Variants in NELL1 observed in about 807,000 individuals in gnomAD.
The protein encoded by NELL1 is protein kinase C-binding protein NELL1.
A neutral mutation model predicts 107.4 loss-of-function variants in NELL1; 76 were observed. The ratio of observed to expected loss-of-function variants is 0.71; its 90% CI spans 0.59 to 0.86. NELL1 has a LOEUF of 0.86. NELL1 is among the 40% of genes least tolerant of loss of function. The pLI, the probability that NELL1 is intolerant of heterozygous loss-of-function variation, is 0.00. For synonymous variants in NELL1, 353 were observed against 341.2 expected (o/e 1.03, Z -0.38); for missense variants, 1,024 against 1,005.5 (o/e 1.02, Z -0.25).
intron 14 of NELL1, among the ~76,000 whole-genome samples, chr11:21,336,921 GAGATAC>G: frequency 6.6e-6 from 1 of 152,038 alleles, no homozygotes; most frequent in East Asian, 1.9e-4. Context: ...CTTAAATAAA[GAGATAC>G]CTGGGTTGAA....
At chr11:21,275,339 G>T (rs1233034615) in intron 14 of NELL1, among the ~76,000 whole-genome samples, 3 of 152,106 alleles carry the variant, frequency 2.0e-5, no homozygotes, top group East Asian at 3.9e-4. Flanking sequence ...ACCCTCCTGA[G>T]ACTAAACCAG....
At chr11:21,253,597 G>A (rs1858693290) in intron 14 of NELL1, among the ~76,000 whole-genome samples, 1 of 152,066 alleles carries the variant, frequency 6.6e-6, no homozygotes, top group East Asian at 1.9e-4. Context: ...TGCTCATAAA[G>A]GCAACCATAT....
intron 14 of NELL1, among the ~76,000 whole-genome samples, chr11:21,282,749 A>G (rs1849026267): frequency 6.6e-6 from 1 of 152,208 alleles, no homozygotes; most frequent in Admixed American, 6.5e-5. Flanking sequence ...ACTAGTCACA[A>G]TAGCCAAGAT....
chr11:20,821,603 T>A (rs1231812587), intron 3 of NELL1, among the ~76,000 whole-genome samples: 1 of 152,228 alleles, frequency 6.6e-6, no homozygotes, highest in African/African-American at 2.4e-5. Context: ...ACTGTTTTCA[T>A]ATGTTTAAAA....
chr11:21,015,018 C>T (rs1376501544), intron 12 of NELL1, among the ~76,000 whole-genome samples: 1 of 152,096 alleles, frequency 6.6e-6, no homozygotes, highest in Non-Finnish European at 1.5e-5. Flanking sequence ...TGTTCACTGA[C>T]TTGAACTTTG....
At chr11:20,970,093 ATCCG>A (rs1052013849) in intron 12 of NELL1, among the ~76,000 whole-genome samples, 5 of 143,878 alleles carry the variant, frequency 3.5e-5, no homozygotes, top group African/African-American at 1.3e-4. Flanking sequence ...CCATCCATCC[ATCCG>A]TACTCTGAAC....
chr11:20,724,252 C>T (rs1564880740), intron 2 of NELL1, among the ~76,000 whole-genome samples: 1 of 152,248 alleles, frequency 6.6e-6, no homozygotes, highest in Non-Finnish European at 1.5e-5. Flanking sequence ...CAAATTTCTG[C>T]AGCCAGCTTG....
At chr11:21,482,847 A>G (rs967219655) in intron 15 of NELL1, among the ~76,000 whole-genome samples, 1 of 152,106 alleles carries the variant, frequency 6.6e-6, no homozygotes, top group Non-Finnish European at 1.5e-5. Context: ...TGGTATTTGT[A>G]AATGATTAGC....
rs577055948 is a variant in NELL1, at chr11:20,939,674, A to C, written c.1071+1815A>C. On this transcript the variant is annotated intron_variant, in intron 10 of 19. Coordinates refer to ENST00000357134, the MANE Select transcript of NELL1 (RefSeq NM_006157.5). Reference sequence around the variant, plus strand: ...TTAAGACAGCATGCAATGGAGAAAAAATTCCCCAAGAGAACACTGTGGTAC... The same window carrying C: ...TTAAGACAGCATGCAATGGAGAAAACATTCCCCAAGAGAACACTGTGGTAC... Among the ~76,000 whole-genome samples, 7 of 152,252 alleles carry C rather than the reference A, an allele frequency of 4.6e-5. No homozygotes were observed. The South Asian group carries it at 1.5e-3, about 32-fold the overall frequency.
At chr11:21,490,089 A>G (rs1341055151) in intron 15 of NELL1, among the ~76,000 whole-genome samples, 1 of 152,128 alleles carries the variant, frequency 6.6e-6, no homozygotes, top group African/African-American at 2.4e-5. Flanking sequence ...TATATTCAGT[A>G]AAGCTGTAGG....
At chr11:21,509,357 C>T (rs1855378017) in intron 15 of NELL1, among the ~76,000 whole-genome samples, 1 of 152,156 alleles carries the variant, frequency 6.6e-6, no homozygotes, top group Admixed American at 6.5e-5. Flanking sequence ...AACAGTTCTA[C>T]TTCTAGGAAT....
At chr11:20,964,239 TG>T (rs1340813631) in intron 12 of NELL1, among the ~76,000 whole-genome samples, 1 of 152,116 alleles carries the variant, frequency 6.6e-6, no homozygotes, top group East Asian at 1.9e-4. Context: ...GAGTAGTGTC[TG>T]AGGAAAGTAT....
Position 20,884,745 on chromosome 11 carries a change from T to C in NELL1, c.507-699T>C, listed in dbSNP as rs181119011. 4.6e-4 allele frequency among the ~76,000 whole-genome samples: 70 copies of C among 152,312 alleles called. No homozygotes were observed. The East Asian group carries it at 8.1e-3, about 18-fold the overall frequency. ...ATGGATCAGATGAGGATTTTCTTCA[T>C]ATATAGAATTTTTATCTTACTTTTC... On this transcript the variant is annotated intron_variant, in intron 4 of 19. Coordinates refer to ENST00000357134, the MANE Select transcript of NELL1 (RefSeq NM_006157.5).
chr11:21,475,902 T>A (rs1365199724), intron 15 of NELL1, among the ~76,000 whole-genome samples: 1 of 152,194 alleles, frequency 6.6e-6, no homozygotes, highest in Non-Finnish European at 1.5e-5. Context: ...CTCTTACGGA[T>A]CTTCAACTTT....
intron 12 of NELL1, among the ~76,000 whole-genome samples, chr11:21,056,571 G>T (rs1207006764): frequency 6.6e-6 from 1 of 152,066 alleles, no homozygotes; most frequent in Non-Finnish European, 1.5e-5. Context: ...ACAGTCTTCT[G>T]GAAAATCTAC....
chr11:20,782,408 C>G (rs1016364297), intron 2 of NELL1, among the ~76,000 whole-genome samples: 1 of 152,156 alleles, frequency 6.6e-6, no homozygotes, highest in African/African-American at 2.4e-5. Context: ...CTGTGCTGTT[C>G]TTTTCTGTGT....
At chr11:20,957,306 G>A (rs1707542461) in intron 11 of NELL1, among the ~76,000 whole-genome samples, 1 of 152,158 alleles carries the variant, frequency 6.6e-6, no homozygotes, top group Non-Finnish European at 1.5e-5. Flanking sequence ...TAAAAGCTTA[G>A]GGCTAGACTT....
intron 14 of NELL1, among the ~76,000 whole-genome samples, chr11:21,336,804 A>C (rs1265755383): frequency 6.6e-6 from 1 of 151,786 alleles, no homozygotes; most frequent in Non-Finnish European, 1.5e-5. Context: ...TAATTACTGA[A>C]GTTATTATAT....
At chr11:20,844,428 G>A (rs1346404023) in intron 3 of NELL1, among the ~76,000 whole-genome samples, 3 of 152,176 alleles carry the variant, frequency 2.0e-5, no homozygotes, top group African/African-American at 7.2e-5. Flanking sequence ...GAGGTCCAAG[G>A]CTAAGGGCTT....
Sources: allele counts gnomAD v4.1 joint callset (sites outside exome capture counted in the v4.1 genomes callset), GRCh38; gene constraint gnomAD v4.1.1; transcripts MANE v1.5; gene names NCBI Gene and HGNC (gene_info 2026-07-23, HGNC 2026-07-21).